Variants in CTNNA3 observed in about 807,000 individuals in gnomAD.
The protein encoded by CTNNA3 is catenin alpha-3.
In CTNNA3, 76 loss-of-function variants were observed where a neutral mutation model predicts 95.7. The ratio of observed to expected loss-of-function variants is 0.79; its 90% CI spans 0.66 to 0.96. The LOEUF is 0.96. Among genes scored for constraint, CTNNA3 ranks in the 40% least tolerant of loss-of-function variants. The pLI, the probability that CTNNA3 is intolerant of heterozygous loss-of-function variation, is 0.00. For synonymous variants in CTNNA3, 431 were observed against 374.4 expected, an observed-to-expected ratio of 1.15 and a Z score of -1.74; for missense variants, 1,191 against 1,089.8, an observed-to-expected ratio of 1.09 and a Z score of -1.31.
chr10:67,720,153 G>T (rs1278425772), intron 1 of CTNNA3, among the ~76,000 whole-genome samples: 214 of 3,142 alleles, frequency 0.068, no homozygotes, highest in Non-Finnish European at 0.13. Flanking sequence ...TTTTTTTTTT[G>T]CTGTCCAATT....
At chr10:66,591,863 T>G (rs966650413) in intron 10 of CTNNA3, among the ~76,000 whole-genome samples, 2 of 152,120 alleles carry the variant, frequency 1.3e-5, no homozygotes, top group Admixed American at 6.6e-5. Flanking sequence ...TTTCTTGATC[T>G]GAACACTATA....
At chr10:67,621,758 AAAAAG>A (rs1843854046) in intron 2 of CTNNA3, among the ~76,000 whole-genome samples, 3 of 149,130 alleles carry the variant, frequency 2.0e-5, no homozygotes, top group African/African-American at 2.5e-5. Flanking sequence ...CAAAAAAAAA[AAAAAG>A]AAAAGAAAAG....
intron 7 of CTNNA3, among the ~76,000 whole-genome samples, chr10:66,870,544 C>G (rs2132438252): frequency 6.6e-6 from 1 of 152,230 alleles, no homozygotes; most frequent in South Asian, 2.1e-4. Flanking sequence ...CAGTATCACC[C>G]CAAATGCTGT....
intron 5 of CTNNA3, among the ~76,000 whole-genome samples, chr10:67,263,261 T>C (rs761108728): frequency 5.1e-4 from 77 of 152,194 alleles, no homozygotes; most frequent in Admixed American, 1.8e-3. Flanking sequence ...TATAACCTGA[T>C]TGAATTGCAG....
At chr10:66,973,185 A>C (rs904709855) in intron 7 of CTNNA3, among the ~76,000 whole-genome samples, 1 of 152,194 alleles carries the variant, frequency 6.6e-6, no homozygotes, top group Non-Finnish European at 1.5e-5. Context: ...TTTATGAAAA[A>C]TAATTTTAAA....
chr10:66,520,568 T>C (rs1252680462), intron 11 of CTNNA3, 49 bp downstream of exon 11: 1 of 1,536,742 alleles, frequency 6.5e-7, no homozygotes, highest in Admixed American at 1.8e-5. Flanking sequence ...TATTCTATTT[T>C]ATAAAATTGA....
intron 5 of CTNNA3, among the ~76,000 whole-genome samples, chr10:67,497,688 G>C (rs955903845): frequency 2.0e-5 from 3 of 152,176 alleles, no homozygotes; most frequent in African/African-American, 7.2e-5. Flanking sequence ...GACCACTGAT[G>C]ATGAGCTTTT....
At chr10:67,102,080 A>G (rs930950962) in intron 7 of CTNNA3, among the ~76,000 whole-genome samples, 1 of 151,796 alleles carries the variant, frequency 6.6e-6, no homozygotes, top group Non-Finnish European at 1.5e-5. Context: ...GCTGGGTAAT[A>G]TAACAATCTC....
intron 5 of CTNNA3, among the ~76,000 whole-genome samples, chr10:67,508,209 GC>G (rs900205250): frequency 5.3e-5 from 8 of 151,980 alleles, no homozygotes; most frequent in African/African-American, 1.7e-4. Flanking sequence ...ACAGGGTTTT[GC>G]CATGTTGGCC....
In CTNNA3 at chr10:66,766,246, C is replaced by T; in HGVS notation, c.1281+18G>A. On this transcript the variant is annotated intron_variant, in intron 9 of 17. Transcript: ENST00000433211. ...CATTCTCCTGGACTTTAGTGAGTTACAGTTCTAGCATGCTTACCTCTACAA... is the reference window on the plus strand; with the variant it reads ...CATTCTCCTGGACTTTAGTGAGTTATAGTTCTAGCATGCTTACCTCTACAA... 2 of 1,610,038 alleles carry T rather than the reference C, an allele frequency of 1.2e-6. No individual in the cohort carries two copies. The highest frequency in any genetic ancestry group is 1.1e-5 in the South Asian group (1 of 90,792).
intron 11 of CTNNA3, among the ~76,000 whole-genome samples, chr10:66,520,120 C>T (rs902900345): frequency 2.0e-5 from 3 of 151,782 alleles, no homozygotes; most frequent in Non-Finnish European, 2.9e-5. Flanking sequence ...AGGTCAGGCT[C>T]ATAATCCCAG....
chr10:66,445,932 C>T (rs1352339472), intron 11 of CTNNA3, among the ~76,000 whole-genome samples: 1 of 151,716 alleles, frequency 6.6e-6, no homozygotes, highest in East Asian at 1.9e-4. Context: ...GCTATCAAGG[C>T]TAAGAAGGAA....
At position 66,780,640 on chromosome 10, in the gene CTNNA3, T is replaced by C. The variant is rs74896524; in HGVS notation, c.1048-5116A>G. Among the ~76,000 whole-genome samples, 119 of 152,332 alleles carry C rather than the reference T, an allele frequency of 7.8e-4. 2 individuals are homozygous for C. In the East Asian group the frequency reaches 0.022, roughly 29 times the overall value. Reference sequence around the variant, plus strand: ...TCATTAGTATTTGTCCTATGCTTAATTACTTACCTGAATGTGTCTTTCTCA... The same window carrying C: ...TCATTAGTATTTGTCCTATGCTTAACTACTTACCTGAATGTGTCTTTCTCA... On this transcript the variant is annotated intron_variant, in intron 7 of 17. Coordinates refer to ENST00000433211, the MANE Select transcript of CTNNA3 (RefSeq NM_013266.4).
intron 17 of CTNNA3, among the ~76,000 whole-genome samples, chr10:65,964,120 G>A (rs565501870): frequency 6.6e-6 from 1 of 152,234 alleles, no homozygotes; most frequent in South Asian, 2.1e-4. Context: ...TTGGAATCAT[G>A]CTTGCCATTT....
At chr10:67,513,196 A>G (rs563231043) in intron 5 of CTNNA3, among the ~76,000 whole-genome samples, 1 of 152,312 alleles carries the variant, frequency 6.6e-6, no homozygotes, top group East Asian at 1.9e-4. Flanking sequence ...CAGACTCAAG[A>G]AAGTCCATAC....
intron 9 of CTNNA3, among the ~76,000 whole-genome samples, chr10:66,646,579 G>T (rs968331403): frequency 6.6e-6 from 1 of 152,106 alleles, no homozygotes; most frequent in Non-Finnish European, 1.5e-5. Flanking sequence ...AAAGAGAGAT[G>T]AAAATACATT....
intron 9 of CTNNA3, among the ~76,000 whole-genome samples, chr10:66,736,751 G>A (rs542130794): frequency 1.0e-3 from 154 of 151,680 alleles, no homozygotes; most frequent in African/African-American, 2.6e-3. Flanking sequence ...CATTTAATCC[G>A]TATTATTCGT....
At chr10:66,698,615 G>T (rs528218644) in intron 9 of CTNNA3, among the ~76,000 whole-genome samples, 3 of 152,124 alleles carry the variant, frequency 2.0e-5, no homozygotes, top group East Asian at 1.9e-4. Flanking sequence ...AGAAGAAATC[G>T]TCCAGAAATG....
At chr10:66,390,134 C>T (rs2456729) in intron 11 of CTNNA3, among the ~76,000 whole-genome samples, 98,278 of 152,054 alleles carry the variant, frequency 0.65, 33,406 homozygotes, top group East Asian at 0.88. Context: ...TGTTAAATCA[C>T]TGGCTTTCTA....
Sources: allele counts gnomAD v4.1 joint callset (sites outside exome capture counted in the v4.1 genomes callset), GRCh38; gene constraint gnomAD v4.1.1; transcripts MANE v1.5; gene names NCBI Gene and HGNC (gene_info 2026-07-23, HGNC 2026-07-21).